PLPPR1: variants seen among roughly 807,000 people sequenced by gnomAD.
PLPPR1 encodes phospholipid phosphatase related 1.
A neutral mutation model predicts 33.1 loss-of-function variants in PLPPR1; 10 were observed. The ratio of observed to expected loss-of-function variants is 0.30; its 90% CI spans 0.19 to 0.51. The LOEUF is 0.51. Among genes scored for constraint, PLPPR1 ranks in the 20% least tolerant of loss-of-function variants. The pLI, the probability that PLPPR1 is intolerant of heterozygous loss-of-function variation, is 0.97. For missense variants in PLPPR1, 304 were observed against 408.1 expected, an observed-to-expected ratio of 0.74 and a Z score of 2.20; for synonymous variants, 151 against 151.0, an observed-to-expected ratio of 1.00 and a Z score of 0.00.
rs1000160514 is a variant in PLPPR1 at position 101,277,347 on chromosome 9, A to G, written c.252+7279A>G. ...GATCACCAGCCTCTGCTGTCCTTTA[A>G]CAACCCAAAGTGACAGAGATATCAG... On this transcript the variant is annotated intron_variant, in intron 3 of 7. Coordinates refer to ENST00000374874, the MANE Select transcript of PLPPR1 (RefSeq NM_207299.2). 1.7e-4 allele frequency among the ~76,000 whole-genome samples: 26 copies of G among 152,286 alleles called. No individual in the cohort carries two copies. The South Asian group carries it at 1.9e-3, about 11-fold the overall frequency.
At chr9:101,308,266 C>T (rs556377000) in intron 4 of PLPPR1, among the ~76,000 whole-genome samples, 132 of 152,200 alleles carry the variant, frequency 8.7e-4, no homozygotes, top group African/African-American at 3.0e-3. Context: ...GGCTCAGAGT[C>T]AGAGGAGATA....
intron 1 of PLPPR1, among the ~76,000 whole-genome samples, chr9:101,158,350 G>T (rs781558199): frequency 6.6e-6 from 1 of 152,186 alleles, no homozygotes; most frequent in Non-Finnish European, 1.5e-5. Context: ...GGAAGAAGAA[G>T]AGGTCAATGG....
chr9:101,227,520 T>TTAAG lies in PLPPR1; in HGVS notation c.63+41965_63+41968dup, dbSNP rs978637866. ...TGGGGTTTTTTTCTTGTAAATCCATTTAAGTTCCTAGTAGATTCTGGACAT... is the reference window on the plus strand; with the variant it reads ...TGGGGTTTTTTTCTTGTAAATCCATTTAAGTAAGTTCCTAGTAGATTCTGGACAT... On this transcript the variant is annotated intron_variant, in intron 2 of 7. Transcript: ENST00000374874. Among the ~76,000 whole-genome samples the TTAAG allele has an allele frequency of 1.1e-4, 17 of 152,286 alleles. 1 individual carries two copies. In the South Asian group the frequency reaches 3.5e-3, roughly 32 times the overall value.
rs551007323 is a variant in PLPPR1, at chr9:101,288,790, A to G, written c.385+2554A>G. Among the ~76,000 whole-genome samples the G allele has an allele frequency of 2.9e-4, 44 of 152,322 alleles. No individual in the cohort carries two copies. The South Asian group carries it at 8.3e-3, about 29-fold the overall frequency. On this transcript the variant is annotated intron_variant, in intron 4 of 7. Transcript: ENST00000374874. ...CAAGTCATCCAGGTGATTCTGATGCATGGAAAGTTTGAGAACCACTGGTTT... is the reference window on the plus strand; with the variant it reads ...CAAGTCATCCAGGTGATTCTGATGCGTGGAAAGTTTGAGAACCACTGGTTT...
intron 1 of PLPPR1, among the ~76,000 whole-genome samples, chr9:101,087,181 CAA>C (rs559631571): frequency 8.1e-6 from 1 of 124,062 alleles, no homozygotes. Flanking sequence ...GACTCTGTCT[CAA>C]AAAAAAAAAA....
At chr9:101,169,534 G>C (rs184308553) in intron 1 of PLPPR1, among the ~76,000 whole-genome samples, 1 of 152,006 alleles carries the variant, frequency 6.6e-6, no homozygotes, top group Non-Finnish European at 1.5e-5. Flanking sequence ...CATGCTTTCT[G>C]CTTTCTTCTC....
chr9:101,069,813 T>G (rs563731296), intron 1 of PLPPR1, among the ~76,000 whole-genome samples: 1 of 152,180 alleles, frequency 6.6e-6, no homozygotes, highest in Non-Finnish European at 1.5e-5. Context: ...CTCAGGTGAT[T>G]TGTATGCACA....
At chr9:101,158,240 A>G (rs1382640105) in intron 1 of PLPPR1, among the ~76,000 whole-genome samples, 6 of 152,154 alleles carry the variant, frequency 3.9e-5, no homozygotes, top group Non-Finnish European at 7.3e-5. Flanking sequence ...TCAAAGCACT[A>G]TTTAGATGGA....
At chr9:101,038,158 C>T (rs1051717964) in intron 1 of PLPPR1, among the ~76,000 whole-genome samples, 2 of 152,042 alleles carry the variant, frequency 1.3e-5, no homozygotes, top group East Asian at 3.9e-4. Flanking sequence ...ATTAACTTTA[C>T]ATATTATTTT....
At chr9:101,127,491 T>C (rs2118605610) in intron 1 of PLPPR1, among the ~76,000 whole-genome samples, 1 of 152,330 alleles carries the variant, frequency 6.6e-6, no homozygotes, top group Non-Finnish European at 1.5e-5. Context: ...AAAAGGCACA[T>C]TGCATTAAGC....
In PLPPR1 at chr9:101,168,005, C is replaced by T. The variant is rs906428126; in HGVS notation, c.-45-17445C>T. Among the ~76,000 whole-genome samples the T allele has an allele frequency of 1.3e-4, 19 of 151,938 alleles. No homozygotes were observed. The East Asian group carries it at 3.7e-3, about 30-fold the overall frequency. ...TGTAGGGAAATTCCCCTTTGTAAAACCATAAGATCTCCTGAGACTTATTCA... is the reference window on the plus strand; with the variant it reads ...TGTAGGGAAATTCCCCTTTGTAAAATCATAAGATCTCCTGAGACTTATTCA... On this transcript the variant is annotated intron_variant, in intron 1 of 7. Transcript: ENST00000374874.
intron 2 of PLPPR1, among the ~76,000 whole-genome samples, chr9:101,247,392 T>C (rs1387635523): frequency 1.3e-5 from 2 of 152,008 alleles, no homozygotes; most frequent in Non-Finnish European, 2.9e-5. Flanking sequence ...ATCAACCACT[T>C]AGCATCTGAG....
chr9:101,127,681 G>A (rs189374690), intron 1 of PLPPR1, among the ~76,000 whole-genome samples: 1 of 152,308 alleles, frequency 6.6e-6, no homozygotes. Context: ...GGGATTTTAT[G>A]CCCTGGCCTT....
intron 1 of PLPPR1, among the ~76,000 whole-genome samples, chr9:101,068,594 C>T (rs1830447792): frequency 6.6e-6 from 1 of 151,690 alleles, no homozygotes; most frequent in Non-Finnish European, 1.5e-5. Flanking sequence ...AGGAAAAATG[C>T]TCTTATTTTT....
At chr9:101,235,240 T>C (rs551744157) in intron 2 of PLPPR1, among the ~76,000 whole-genome samples, 1 of 151,986 alleles carries the variant, frequency 6.6e-6, no homozygotes, top group East Asian at 1.9e-4. Flanking sequence ...ATTGTTTGAC[T>C]TTGCCTATAT....
chr9:101,261,995 A>AAAGAT (rs1288487432), intron 2 of PLPPR1, among the ~76,000 whole-genome samples: 1 of 152,180 alleles, frequency 6.6e-6, no homozygotes, highest in East Asian at 1.9e-4. Context: ...TTAAAAAAAA[A>AAAGAT]AAGATATAGC....
intron 1 of PLPPR1, among the ~76,000 whole-genome samples, chr9:101,130,483 A>C (rs1036320044): frequency 6.6e-6 from 1 of 152,202 alleles, no homozygotes; most frequent in Non-Finnish European, 1.5e-5. Flanking sequence ...AATTAGATTA[A>C]ATGTCTGGCA....
intron 1 of PLPPR1, among the ~76,000 whole-genome samples, chr9:101,149,687 G>A (rs1011197847): frequency 8.5e-5 from 13 of 152,122 alleles, no homozygotes; most frequent in African/African-American, 3.1e-4. Flanking sequence ...AAAGGAGTCA[G>A]AAGCCAATAG....
intron 3 of PLPPR1, among the ~76,000 whole-genome samples, chr9:101,270,600 C>T (rs1473552511): frequency 2.0e-5 from 3 of 152,264 alleles, no homozygotes; most frequent in East Asian, 3.9e-4. Context: ...CATTACATCA[C>T]ATTAAATTAA....
Sources: allele counts gnomAD v4.1 joint callset (sites outside exome capture counted in the v4.1 genomes callset), GRCh38; gene constraint gnomAD v4.1.1; transcripts MANE v1.5; gene names NCBI Gene and HGNC (gene_info 2026-07-23, HGNC 2026-07-21).